SMARCA1: variants seen among roughly 807,000 people sequenced by gnomAD.
The protein encoded by SMARCA1 is SNF2 related chromatin remodeling ATPase 1.
In SMARCA1, 17 loss-of-function variants were observed where a neutral mutation model predicts 93.6. That is an observed-to-expected ratio of 0.18 (90% CI 0.12 to 0.27). The LOEUF is 0.27. Among genes scored for constraint, SMARCA1 ranks in the 10% least tolerant of loss-of-function variants. SMARCA1 has a pLI of 1.00. For missense variants in SMARCA1, 630 were observed against 819.0 expected (o/e 0.77, Z 2.82); for synonymous variants, 271 against 271.4 (o/e 1.00, Z 0.01).
intron 17 of SMARCA1, among the ~76,000 whole-genome samples, chrX:129,481,764 T>G (rs763822901): frequency 9.0e-6 from 1 of 111,702 alleles, no homozygotes; most frequent in East Asian, 2.8e-4. Context: ...CTTGTGGAAG[T>G]CAGTGTGGCG....
chrX:129,504,561 AAAAAAAAAAAAAAAAAAAAAC>A (rs1178361433), intron 9 of SMARCA1, among the ~76,000 whole-genome samples, 152 bp downstream of exon 9: 2 of 94,200 alleles, frequency 2.1e-5, no homozygotes, highest in African/African-American at 9.2e-5. Context: ...AAAAAAAAAA[AAAAAAAAAAAAAAAAAAAAAC>A]AAAGAGGCTG....
At chrX:129,501,991 A>G (rs1934585188) in intron 9 of SMARCA1, among the ~76,000 whole-genome samples, 1 of 111,979 alleles carries the variant, frequency 8.9e-6, no homozygotes, top group Non-Finnish European at 1.9e-5. Flanking sequence ...TGTAGAACTT[A>G]AGTATATAGC....
intron 23 of SMARCA1, among the ~76,000 whole-genome samples, chrX:129,463,485 A>AAAT: frequency 8.9e-6 from 1 of 112,239 alleles, no homozygotes; most frequent in African/African-American, 3.2e-5. Context: ...AGAACTCTAT[A>AAAT]AAACAACTCT....
rs759008204 is a variant in SMARCA1 at position 129,516,015 on chromosome X, C to A, written c.429-21G>T. 7.4e-6 allele frequency: 8 copies of A among 1,076,489 alleles called. No homozygotes were observed. In the Admixed American group the frequency reaches 1.4e-4, roughly 18 times the overall value. 88.7% of individuals were successfully genotyped at this position (1,076,489 alleles called of 1,213,427 possible). The stretch of plus-strand genomic sequence containing the variant: ...GGTAGCTGAAATTAAAAAAGGAAAT[C>A]CCTTCATATTCGACCTAAATGATAA... On this transcript the variant is annotated intron_variant, in intron 3 of 24. Transcript: ENST00000371121.
intron 23 of SMARCA1, among the ~76,000 whole-genome samples, chrX:129,452,510 T>A (rs746416579): frequency 1.8e-5 from 2 of 112,594 alleles, no homozygotes; most frequent in Non-Finnish European, 3.8e-5. Flanking sequence ...ATGGGAAATG[T>A]TGGTTTTTTA....
intron 23 of SMARCA1, among the ~76,000 whole-genome samples, chrX:129,459,738 G>T (rs188693697): frequency 1.2e-4 from 14 of 112,343 alleles, no homozygotes; most frequent in Non-Finnish European, 1.9e-5. Flanking sequence ...TCCAAATCTG[G>T]TCCAACTGTA....
chrX:129,499,196 C>A (rs1934458146), intron 10 of SMARCA1, among the ~76,000 whole-genome samples: 1 of 110,939 alleles, frequency 9.0e-6, no homozygotes, highest in Non-Finnish European at 1.9e-5. Flanking sequence ...TGCCACAATG[C>A]CCAGCTAATT....
intron 6 of SMARCA1, among the ~76,000 whole-genome samples, chrX:129,511,489 A>G (rs1213687451): frequency 8.9e-6 from 1 of 112,207 alleles, no homozygotes; most frequent in Non-Finnish European, 1.9e-5. Flanking sequence ...TGTCAATAAA[A>G]TAAGATGTTT....
chrX:129,473,873 G>A (rs1013749187), intron 19 of SMARCA1, among the ~76,000 whole-genome samples: 8 of 111,715 alleles, frequency 7.2e-5, no homozygotes, highest in African/African-American at 9.8e-5. Context: ...GGAGGAGTTC[G>A]AGTTACATAA....
intron 19 of SMARCA1, among the ~76,000 whole-genome samples, chrX:129,474,121 C>T (rs1933266203): frequency 9.0e-6 from 1 of 111,074 alleles, no homozygotes; most frequent in African/African-American, 3.3e-5. Flanking sequence ...AAAGCAAATA[C>T]CATAAGATGT....
At chrX:129,481,258 G>C (rs868515084) in intron 17 of SMARCA1, 73 bp from the exon 18 acceptor site, 3 of 638,624 alleles carry the variant, frequency 4.7e-6, no homozygotes, top group Non-Finnish European at 7.4e-6. Context: ...AGTACATCGA[G>C]GCTGCAGAAA....
chrX:129,501,613 G>A (rs1364935412), intron 9 of SMARCA1, among the ~76,000 whole-genome samples: 1 of 105,776 alleles, frequency 9.5e-6, no homozygotes, highest in Non-Finnish European at 2.0e-5. Context: ...CTTTTTTTGG[G>A]GGGGGAGGTG....
rs768929434 is a variant in SMARCA1 at position 129,481,035 on chromosome X, T to G, written c.2328+40A>C. On this transcript the variant is annotated intron_variant, in intron 18 of 24. Coordinates refer to ENST00000371121, the MANE Select transcript of SMARCA1 (RefSeq NM_001282874.2). ...CCCATAGATCATGTTGCAACAGAAA[T>G]CTACTTTAGGACATAAAAACTGGCC... 6 of 859,406 alleles carry G rather than the reference T, an allele frequency of 7.0e-6. No homozygotes were observed. The South Asian group carries it at 1.3e-4, about 19-fold the overall frequency. The allele number at this position is 859,406 out of a possible 1,213,427, so 70.8% of individuals were successfully genotyped here.
chrX:129,506,959 T>C (rs1287496548), intron 7 of SMARCA1, among the ~76,000 whole-genome samples: 3 of 111,250 alleles, frequency 2.7e-5, no homozygotes, highest in African/African-American at 6.5e-5. Flanking sequence ...CAGTAACTTA[T>C]ATTAACTTTC....
chrX:129,522,916 T>C (rs1935458615), intron 1 of SMARCA1, among the ~76,000 whole-genome samples: 1 of 110,664 alleles, frequency 9.0e-6, no homozygotes, highest in African/African-American at 3.3e-5. Flanking sequence ...TCGGGGGCTG[T>C]CGAGGGGCTC....
intron 23 of SMARCA1, among the ~76,000 whole-genome samples, chrX:129,458,542 A>G (rs1180310276): frequency 8.9e-6 from 1 of 112,374 alleles, no homozygotes; most frequent in Non-Finnish European, 1.9e-5. Context: ...GGTGAATATC[A>G]ATCATCCTGG....
intron 8 of SMARCA1, among the ~76,000 whole-genome samples, chrX:129,505,199 C>A (rs1389257877): frequency 8.9e-6 from 1 of 112,032 alleles, no homozygotes; most frequent in East Asian, 2.8e-4. Context: ...AAACTTGCTA[C>A]TTTTTATTAT....
intron 17 of SMARCA1, among the ~76,000 whole-genome samples, chrX:129,485,153 T>C (rs1445235681): frequency 8.9e-6 from 1 of 112,176 alleles, no homozygotes; most frequent in Non-Finnish European, 1.9e-5. Context: ...GCAGGCACCA[T>C]ACTCTAATTC....
At chrX:129,475,498 AAG>A (rs1267498487) in intron 19 of SMARCA1, among the ~76,000 whole-genome samples, 2 of 111,455 alleles carry the variant, frequency 1.8e-5, no homozygotes, top group Non-Finnish European at 3.8e-5. Flanking sequence ...CAGCCTCAGC[AAG>A]AGAGTGAGAC....
Sources: allele counts gnomAD v4.1 joint callset (sites outside exome capture counted in the v4.1 genomes callset), GRCh38; gene constraint gnomAD v4.1.1; transcripts MANE v1.5; gene names NCBI Gene and HGNC (gene_info 2026-07-23, HGNC 2026-07-21).